SLCO3A1: variants seen among roughly 807,000 people sequenced by gnomAD.
SLCO3A1 encodes PGE1 transporter.
SLCO3A1 carries 27 observed loss-of-function variants against 63.1 expected under a neutral mutation model. That is an observed-to-expected ratio of 0.43 (90% CI 0.32 to 0.59). The LOEUF (loss-of-function observed/expected upper bound fraction) is 0.59. Among genes scored for constraint, SLCO3A1 ranks in the 20% least tolerant of loss-of-function variants. SLCO3A1 has a pLI of 0.09. For missense variants in SLCO3A1, 773 were observed against 945.8 expected (o/e 0.82, Z 2.40); for synonymous variants, 473 against 409.9 (o/e 1.15, Z -1.86).
At chr15:92,113,558 G>T (rs947718464) in intron 4 of SLCO3A1, among the ~76,000 whole-genome samples, 6 of 152,168 alleles carry the variant, frequency 3.9e-5, no homozygotes, top group African/African-American at 1.4e-4. Context: ...CCCAGTAGCT[G>T]CTTCTCTCAA....
intron 2 of SLCO3A1, among the ~76,000 whole-genome samples, chr15:91,926,217 T>G (rs1208876985): frequency 2.0e-5 from 3 of 152,186 alleles, no homozygotes; most frequent in Non-Finnish European, 4.4e-5. Context: ...TTACAGGACT[T>G]AGATGCCAAA....
In SLCO3A1 at chr15:91,913,593, A is replaced by ATT. The variant is rs5814504; in HGVS notation, c.181-2394_181-2393dup. The stretch of plus-strand genomic sequence containing the variant: ...CTAAGAGGAATCACCTGGCTATAGC[A>ATT]TTTTTTTGGTTTGTTTTTTTAGTAA... On this transcript the variant is annotated intron_variant, in intron 1 of 9. Transcript: ENST00000318445. Among the ~76,000 whole-genome samples, 47 of 152,090 alleles carry ATT rather than the reference A, an allele frequency of 3.1e-4. 1 individual carries two copies. Among genetic ancestry groups the ATT allele is most frequent in the East Asian group, 1.2e-3 (6 of 5,160 alleles).
At chr15:91,962,152 G>A (rs530082731) in intron 2 of SLCO3A1, among the ~76,000 whole-genome samples, 1 of 152,256 alleles carries the variant, frequency 6.6e-6, no homozygotes, top group East Asian at 1.9e-4. Context: ...GCGGGAGGTA[G>A]CATATGAGGC....
Position 92,146,970 on chromosome 15 carries a change from C to G in SLCO3A1, c.1513-14C>G, listed in dbSNP as rs775094887. The G allele has an allele frequency of 6.3e-7, 1 of 1,597,866 alleles. No individual in the cohort carries two copies. The highest frequency in any genetic ancestry group is 1.1e-5 in the South Asian group (1 of 87,784). ...AGTACCCCCAGATAAAAGGGCTGAA[C>G]GCTTCCCTTTCAGAATCTCACGGGC... On this transcript the variant is annotated splice_polypyrimidine_tract_variant and intron_variant, in intron 7 of 9. Coordinates refer to ENST00000318445, the MANE Select transcript of SLCO3A1 (RefSeq NM_013272.4).
intron 4 of SLCO3A1, among the ~76,000 whole-genome samples, chr15:92,104,960 G>A (rs1241217486): frequency 4.0e-5 from 6 of 150,920 alleles, no homozygotes; most frequent in South Asian, 2.1e-4. Context: ...ACCTCCAGCC[G>A]GGCGCGGTGG....
At position 91,990,128 on chromosome 15, in the gene SLCO3A1, G is replaced by A. The variant is rs946783047; in HGVS notation, c.646+73670G>A. Among the ~76,000 whole-genome samples, 8 of 152,136 alleles carry A rather than the reference G, an allele frequency of 5.3e-5. 1 individual carries two copies. The highest frequency in any genetic ancestry group is 5.2e-4 in the Admixed American group (8 of 15,270). ...GGAAGAGATGGTGCTTTAAGATGAG[G>A]GAAATGGGCAGTTTTTTTCTTTGGA... On this transcript the variant is annotated intron_variant, in intron 2 of 9. Transcript: ENST00000318445.
At chr15:92,141,541 A>C (rs550492175) in intron 7 of SLCO3A1, among the ~76,000 whole-genome samples, 1 of 152,180 alleles carries the variant, frequency 6.6e-6, no homozygotes. Flanking sequence ...CAGCTTTTCA[A>C]ACTTTTTATA....
chr15:91,961,451 C>T (rs1402572258), intron 2 of SLCO3A1, among the ~76,000 whole-genome samples: 2 of 152,224 alleles, frequency 1.3e-5, no homozygotes, highest in Non-Finnish European at 2.9e-5. Context: ...TCTGGTTCTA[C>T]TCTGAGGAAA....
At chr15:92,090,626 T>G (rs532131801) in intron 2 of SLCO3A1, among the ~76,000 whole-genome samples, 1 of 152,254 alleles carries the variant, frequency 6.6e-6, no homozygotes. Context: ...TACAGCTGTT[T>G]CCCAGCAAGA....
chr15:92,131,550 G>C (rs2047997434), intron 7 of SLCO3A1, among the ~76,000 whole-genome samples: 1 of 144,484 alleles, frequency 6.9e-6, no homozygotes, highest in Admixed American at 6.9e-5. Flanking sequence ...ATTTTTGGTA[G>C]AGACGGGGTT....
chr15:92,086,129 A>T (rs918386112), intron 2 of SLCO3A1, among the ~76,000 whole-genome samples: 1 of 152,184 alleles, frequency 6.6e-6, no homozygotes, highest in Non-Finnish European at 1.5e-5. Context: ...GTCCGTCAGC[A>T]CACTTGCTGT....
At chr15:92,101,327 G>A (rs886927304) in intron 3 of SLCO3A1, among the ~76,000 whole-genome samples, 1 of 152,038 alleles carries the variant, frequency 6.6e-6, no homozygotes, top group African/African-American at 2.4e-5. Flanking sequence ...TGGCCAACAT[G>A]GTGAAACCCC....
chr15:91,988,388 A>C (rs2046082044), intron 2 of SLCO3A1, among the ~76,000 whole-genome samples: 1 of 152,232 alleles, frequency 6.6e-6, no homozygotes, highest in Admixed American at 6.5e-5. Context: ...CATTAATGAA[A>C]TAACAAGTGA....
chr15:91,962,768 C>T (rs552359139), intron 2 of SLCO3A1, among the ~76,000 whole-genome samples: 12 of 152,022 alleles, frequency 7.9e-5, no homozygotes, highest in Non-Finnish European at 1.5e-4. Flanking sequence ...AACTGAGGGT[C>T]CTCGGGCTGC....
chr15:91,971,486 C>T (rs12902685), intron 2 of SLCO3A1, among the ~76,000 whole-genome samples: 33,052 of 148,210 alleles, frequency 0.22, 4,109 homozygotes, highest in East Asian at 0.35. Context: ...ATGTCATATT[C>T]TTCCATGTTT....
chr15:92,163,006 C>G lies in SLCO3A1; in HGVS notation c.2004C>G (p.Phe668Leu). ...AGGGCGGGCTGAGCACCAGTGAGTT[C>G]TTTGCCTCTACTCTGACCCTAGACA... ...NHEGGLSTSE[F>L]FASTLTLDNL... Residue 668 changes from phenylalanine (F) to leucine (L), a missense_variant, in exon 10 of 10, where the codon TTC (phenylalanine) becomes TTG (leucine). This residue lies in a region of SLCO3A1 where 139 missense variants were observed against 131.4 expected (regional missense o/e 1.06). Coordinates refer to ENST00000318445, the MANE Select transcript of SLCO3A1 (RefSeq NM_013272.4). 4 of 1,612,582 alleles carry G rather than the reference C, an allele frequency of 2.5e-6. No homozygotes were observed. The highest frequency in any genetic ancestry group is 3.4e-6 in the Non-Finnish European group (4 of 1,179,106).
intron 9 of SLCO3A1, among the ~76,000 whole-genome samples, chr15:92,159,498 T>C (rs537647146): frequency 6.6e-6 from 1 of 150,666 alleles, no homozygotes; most frequent in Admixed American, 6.6e-5. Context: ...AAAAAAAAAA[T>C]TTATTTCATC....
intron 1 of SLCO3A1, among the ~76,000 whole-genome samples, chr15:91,864,844 C>T (rs922342847): frequency 2.6e-5 from 4 of 152,164 alleles, no homozygotes; most frequent in East Asian, 1.9e-4. Flanking sequence ...TGTTCATTTC[C>T]GCTCTGTCAC....
intron 2 of SLCO3A1, among the ~76,000 whole-genome samples, chr15:92,018,003 G>C (rs1197502292): frequency 6.6e-6 from 1 of 152,196 alleles, no homozygotes; most frequent in East Asian, 1.9e-4. Context: ...CTGATGAGTG[G>C]AGGAGGATGG....
Sources: gnomAD v4.1 joint callset for allele counts (sites outside exome capture counted in the v4.1 genomes callset) on GRCh38, gnomAD v4.1.1 for gene constraint, gnomAD v4.1.1 regional missense constraint, MANE v1.5 for transcripts, NCBI Gene and HGNC (gene_info 2026-07-23, HGNC 2026-07-21) for gene names.